Variants in RBMS3 observed in about 807,000 individuals in gnomAD.
The protein encoded by RBMS3 is RNA-binding motif, single-stranded-interacting protein 3.
In RBMS3, 27 loss-of-function variants were observed where a neutral mutation model predicts 66.8. The observed-to-expected ratio is 0.40, with a 90% CI of 0.30 to 0.56. The LOEUF is 0.56. RBMS3 is among the 20% of genes least tolerant of loss of function. The pLI is 0.40. For synonymous variants in RBMS3, 188 were observed against 183.0 expected (o/e 1.03, Z -0.22); for missense variants, 513 against 549.5 (o/e 0.93, Z 0.66).
chr3:29,994,972 T>C (rs952657167), intron 14 of RBMS3, among the ~76,000 whole-genome samples: 2 of 152,172 alleles, frequency 1.3e-5, no homozygotes. Flanking sequence ...ATCAAATTAC[T>C]CTGAGCTATG....
At chr3:29,964,744 A>G (rs1451320352) in intron 12 of RBMS3, among the ~76,000 whole-genome samples, 1 of 152,102 alleles carries the variant, frequency 6.6e-6, no homozygotes, top group African/African-American at 2.4e-5. Context: ...TCCATAAGTT[A>G]TTGGAGTACA....
At chr3:29,509,132 T>G (rs550863584) in intron 3 of RBMS3, among the ~76,000 whole-genome samples, 46 of 151,886 alleles carry the variant, frequency 3.0e-4, no homozygotes, top group African/African-American at 1.1e-3. Flanking sequence ...AAAATATAAC[T>G]CTTGAGTGTA....
intron 6 of RBMS3, among the ~76,000 whole-genome samples, chr3:29,809,778 C>G (rs932223913): frequency 8.6e-5 from 13 of 151,814 alleles, no homozygotes; most frequent in African/African-American, 3.1e-4. Flanking sequence ...CTGATATTTC[C>G]TGTGAAGGCA....
At chr3:29,394,434 C>T (rs958995142) in intron 1 of RBMS3, among the ~76,000 whole-genome samples, 1 of 152,040 alleles carries the variant, frequency 6.6e-6, no homozygotes, top group Non-Finnish European at 1.5e-5. Context: ...ATCACAGGGT[C>T]CTGAGGAGAC....
At chr3:29,359,083 G>C (rs1473707902) in intron 1 of RBMS3, among the ~76,000 whole-genome samples, 6 of 152,176 alleles carry the variant, frequency 3.9e-5, no homozygotes, top group African/African-American at 1.4e-4. Flanking sequence ...CCAACACTAT[G>C]TTGAATAGGA....
intron 4 of RBMS3, among the ~76,000 whole-genome samples, chr3:29,602,505 A>T (rs1231182547): frequency 6.6e-6 from 1 of 152,014 alleles, no homozygotes; most frequent in Non-Finnish European, 1.5e-5. Flanking sequence ...GGTTTTATTA[A>T]CTGGACTATG....
At chr3:29,707,232 GC>G (rs1381436420) in intron 4 of RBMS3, among the ~76,000 whole-genome samples, 1 of 152,100 alleles carries the variant, frequency 6.6e-6, no homozygotes, top group East Asian at 1.9e-4. Flanking sequence ...GATAGATTAT[GC>G]CAATGCCTAT....
At chr3:29,638,468 G>A (rs1049082717) in intron 4 of RBMS3, among the ~76,000 whole-genome samples, 2 of 151,654 alleles carry the variant, frequency 1.3e-5, no homozygotes, top group African/African-American at 2.4e-5. Context: ...TAATCTCCCT[G>A]GATCATGTGG....
At chr3:29,589,952 T>C (rs1260142674) in intron 4 of RBMS3, among the ~76,000 whole-genome samples, 1 of 152,092 alleles carries the variant, frequency 6.6e-6, no homozygotes, top group Non-Finnish European at 1.5e-5. Flanking sequence ...TTCCAGTGTG[T>C]GCATATGGAA....
At chr3:29,367,777 A>G (rs1575631305) in intron 1 of RBMS3, among the ~76,000 whole-genome samples, 1 of 152,190 alleles carries the variant, frequency 6.6e-6, no homozygotes, top group Non-Finnish European at 1.5e-5. Flanking sequence ...TGCTTAATCA[A>G]ATATTTTGAT....
chr3:29,875,298 T>C (rs2059587067), intron 7 of RBMS3, among the ~76,000 whole-genome samples: 2 of 152,158 alleles, frequency 1.3e-5, no homozygotes, highest in Admixed American at 6.5e-5. Flanking sequence ...ATGGGTCAAT[T>C]AGCCAAATTC....
At chr3:29,373,122 A>AT (rs574086438) in intron 1 of RBMS3, among the ~76,000 whole-genome samples, 288 of 152,254 alleles carry the variant, frequency 1.9e-3, no homozygotes, top group African/African-American at 6.7e-3. Flanking sequence ...TGTTTCTCAT[A>AT]TTACAGTTAC....
chr3:29,598,996 A>G (rs1410627597), intron 4 of RBMS3, among the ~76,000 whole-genome samples: 1 of 152,038 alleles, frequency 6.6e-6, no homozygotes, highest in African/African-American at 2.4e-5. Flanking sequence ...ACTAAATTCC[A>G]TATTGGTGAT....
At chr3:29,843,964 A>G (rs1039573929) in intron 6 of RBMS3, among the ~76,000 whole-genome samples, 3 of 152,140 alleles carry the variant, frequency 2.0e-5, no homozygotes, top group Non-Finnish European at 4.4e-5. Flanking sequence ...AGAAAAAAAA[A>G]AAAAGGTTGC....
At chr3:29,565,290 G>A (rs1040547174) in intron 3 of RBMS3, among the ~76,000 whole-genome samples, 1 of 152,188 alleles carries the variant, frequency 6.6e-6, no homozygotes, top group African/African-American at 2.4e-5. Flanking sequence ...AGTTATTAAT[G>A]TGTTATAAAT....
At chr3:29,804,920 C>CGTGTGTGTGTGTGT (rs10576635) in intron 6 of RBMS3, among the ~76,000 whole-genome samples, 87 of 146,436 alleles carry the variant, frequency 5.9e-4, no homozygotes, top group African/African-American at 2.1e-3. Flanking sequence ...TCTGCGTGTA[C>CGTGTGTGTGTGTGT]GTGTGTGTGT....
chr3:29,619,036 A>G (rs1454070305), intron 4 of RBMS3, among the ~76,000 whole-genome samples: 1 of 152,198 alleles, frequency 6.6e-6, no homozygotes, highest in Non-Finnish European at 1.5e-5. Context: ...ACATGTGGAT[A>G]AAATGTTTTC....
chr3:29,527,418 A>C (rs2045171550), intron 3 of RBMS3, among the ~76,000 whole-genome samples: 1 of 152,102 alleles, frequency 6.6e-6, no homozygotes, highest in Non-Finnish European at 1.5e-5. Flanking sequence ...CAGAATCAGG[A>C]AGCAGTTGGC....
At chr3:29,472,093 A>G (rs2042749406) in intron 2 of RBMS3, among the ~76,000 whole-genome samples, 4 of 152,132 alleles carry the variant, frequency 2.6e-5, no homozygotes, top group Admixed American at 2.6e-4. Context: ...TCGTCAGTGT[A>G]TAGTTTGTAT....
Sources: allele counts gnomAD v4.1 joint callset (sites outside exome capture counted in the v4.1 genomes callset), GRCh38; gene constraint gnomAD v4.1.1; transcripts MANE v1.5; gene names NCBI Gene and HGNC (gene_info 2026-07-23, HGNC 2026-07-21).